Variants in GPR179 observed in about 807,000 individuals in gnomAD.
GPR179 encodes probable G protein-coupled receptor 179.
In GPR179, 52 loss-of-function variants were observed where a neutral mutation model predicts 70.8. The ratio of observed to expected loss-of-function variants is 0.73; its 90% CI spans 0.59 to 0.93. The LOEUF is 0.93. Ranked by LOEUF, GPR179 falls within the 40% of genes least tolerant of loss-of-function variation. The pLI is 0.00. For synonymous variants in GPR179, 1,123 were observed against 1,169.0 expected, an observed-to-expected ratio of 0.96 and a Z score of 0.80; for missense variants, 2,734 against 2,966.8, an observed-to-expected ratio of 0.92 and a Z score of 1.82.
rs137934209 is a variant in GPR179 at position 38,337,703 on chromosome 17, A to T, written c.921T>A (p.Ser307Arg). The T allele has an allele frequency of 0.015, 24,056 of 1,613,356 alleles. 211 individuals are homozygous for T. The highest frequency in any genetic ancestry group is 0.018 in the Non-Finnish European group (21,711 of 1,179,642). The change falls in exon 3 of 11, where the codon AGT (serine) becomes AGA (arginine). Residue 307 changes from serine to arginine, a missense_variant. Ser to Arg is a moderately radical substitution (Grantham distance 110). Transcript: ENST00000616987. ...LNSTQCVPLE[S>R]QGFVLGRYLC... ...GGTAGCGGCCAAGAACAAAGCCCTG[A>T]CTCTCCAGGGGGACACACTATGGGG...
rs551899019 is a variant in GPR179 at position 38,334,893 on chromosome 17, C to T, written c.1646-51G>A. 1 of 1,603,636 alleles carries T rather than the reference C, an allele frequency of 6.2e-7. No homozygotes were observed. Among genetic ancestry groups the T allele is most frequent in the African/African-American group, 1.3e-5 (1 of 74,890 alleles). ...GCCGGCACCACCTCAGCAGCTGTCC[C>T]ACCCCTTTCTCTGAAAGATGTGCTG... On this transcript the variant is annotated intron_variant, in intron 7 of 10. Transcript: ENST00000616987. This position sits in a 1 kb window ranked among gnomAD's most constrained non-coding sequence, Gnocchi z 4.7.
rs367683550 is a variant in GPR179, at chr17:38,337,092, C to T, written c.1113G>A (p.Pro371=). The T allele has an allele frequency of 7.2e-5, 116 of 1,610,606 alleles. No homozygotes were observed. Among genetic ancestry groups the T allele is most frequent in the Middle Eastern group, 1.7e-4 (1 of 6,038 alleles). ...GCACCGCGGCCTCTTCCACCAGGCA[C>T]GGTGTGGCATCCATGCAGCTGGTGC... ...EGCTSCMDAT[P]CLVEEAAVLR... is the part of the protein sequence containing the mutation. The change falls in exon 4 of 11, where the codon CCG becomes CCA. Residue 371 remains proline, a synonymous_variant. Coordinates refer to ENST00000616987, the MANE Select transcript of GPR179 (RefSeq NM_001004334.4).
Position 38,343,062 on chromosome 17 carries a change from G to T in GPR179, c.728C>A (p.Pro243His). ...GGCAGAGAGTGTGATCAGCCATCCA[G>T]GTCGGAGCCGTCCCTCCTGGCATTC... ...FLECQEGRLR[P>H]GWLITLSATF... The change falls in exon 1 of 11, where the codon CCT becomes CAT. Residue 243 changes from proline (P) to histidine (H), a missense_variant. Physicochemically the swap from Pro to His is moderately conservative, Grantham distance 77. Transcript: ENST00000616987. The surrounding 1 kb of genome is among the most constrained non-coding windows in gnomAD (Gnocchi z 4.2). 6.2e-7 allele frequency: 1 copy of T among 1,614,098 alleles called. No individual in the cohort carries two copies. The highest frequency in any genetic ancestry group is 8.5e-7 in the Non-Finnish European group (1 of 1,179,962).
chr17:38,335,261 G>A lies in GPR179; in HGVS notation c.1417C>T (p.Leu473=), dbSNP rs762389933. 1.0e-5 allele frequency: 16 copies of A among 1,550,238 alleles called. No individual in the cohort carries two copies. The highest frequency in any genetic ancestry group is 9.7e-5 in the East Asian group (4 of 41,080). The change falls in exon 7 of 11, where the codon CTG becomes TTG. Residue 473 remains leucine, a synonymous_variant. Transcript: ENST00000616987. ...IILKLYRVLQ[L]FLSRTAQRSA... is the part of the protein sequence containing the mutation. ...CGCTGGGCCGTTCGAGACAGAAACA[G>A]CTGCAGCACTCTGCGAGGGTTAGAA...
rs1453134624 is a variant in GPR179 at position 38,331,542 on chromosome 17, G to T, written c.2038-11C>A. On this transcript the variant is annotated splice_polypyrimidine_tract_variant and intron_variant, in intron 10 of 10. Transcript: ENST00000616987. ...CTTCTTCAGCTCGTCCTGTGGGGCA[G>T]CAGGGAGGAAAGCAGGGCTGCAGGT... is the stretch of plus-strand genomic sequence containing the variant. 5.0e-6 allele frequency: 8 copies of T among 1,589,444 alleles called. No individual in the cohort carries two copies. The highest frequency in any genetic ancestry group is 6.9e-6 in the Non-Finnish European group (8 of 1,164,544).
intron 1 of GPR179, 61 bp from the exon 2 acceptor site, chr17:38,339,586 C>A: frequency 8.1e-7 from 1 of 1,234,556 alleles, no homozygotes; most frequent in Non-Finnish European, 1.2e-6. Context: ...ACGTGTGTCC[C>A]TGGGCGTTGT....
chr17:38,330,276 C>T lies in GPR179; in HGVS notation c.3293G>A (p.Arg1098Gln), dbSNP rs766157500. The change falls in exon 11 of 11, where the codon CGG (arginine) becomes CAG (glutamine). Residue 1098 changes from arginine to glutamine, a missense_variant. Arg to Gln is a conservative substitution (Grantham distance 43). Transcript: ENST00000616987. ...ACTCTCCTTCTCTCTGTAGGTGCTC[C>T]GAGAACGGGTCAGAGCTTTAATCGC... ...GLAIKALTRS[R>Q]STYREKESVE... The T allele has an allele frequency of 1.0e-5, 16 of 1,604,594 alleles. No homozygotes were observed. The highest frequency in any genetic ancestry group is 4.4e-5 in the South Asian group (4 of 90,074).
chr17:38,330,244 C>A lies in GPR179; in HGVS notation c.3325G>T (p.Glu1109Ter). Residue 1109 changes from glutamate (E) to a stop codon, truncating the protein, a stop_gained, in exon 11 of 11, where the codon GAG (glutamate) becomes TAG (stop). Transcript: ENST00000616987. LOFTEE classifies it low-confidence loss of function (END_TRUNC). ...CCGCTGTTCTGCCCCTCGGGACTCT[C>A]CTCCACACTCTCCTTCTCTCTGTAG... ...STYREKESVE[E>*]SPEGQNSGTA... 2 of 1,587,924 alleles carry A rather than the reference C, an allele frequency of 1.3e-6. No individual in the cohort carries two copies. The highest frequency in any genetic ancestry group is 2.3e-5 in the South Asian group (2 of 87,876).
Position 38,335,177 on chromosome 17 carries a change from C to T in GPR179, c.1501G>A (p.Val501Met), listed in dbSNP as rs1166961641. The change falls in exon 7 of 11, where the codon GTG (valine) becomes ATG (methionine). Residue 501 changes from valine to methionine, a missense_variant. By Grantham distance (21) the Val-to-Met change is conservative. Coordinates refer to ENST00000616987, the MANE Select transcript of GPR179 (RefSeq NM_001004334.4). ...LRHLGLLLLPVLGFLAVWTVG... is the reference protein window; with the variant it reads ...LRHLGLLLLPMLGFLAVWTVG... The stretch of plus-strand genomic sequence containing the variant: ...GTCCACACAGCCAGGAAGCCCAGCA[C>T]AGGTAGCAGGAGCAGCCCCAGGTGC... The T allele has an allele frequency of 3.2e-6, 5 of 1,575,514 alleles. No individual in the cohort carries two copies. The highest frequency in any genetic ancestry group is 4.3e-6 in the Non-Finnish European group (5 of 1,161,054).
chr17:38,342,737 C>A (rs2037459660), intron 1 of GPR179, among the ~76,000 whole-genome samples: 1 of 152,256 alleles, frequency 6.6e-6, no homozygotes, highest in Admixed American at 6.5e-5. Flanking sequence ...GACATTCCTG[C>A]ATGTGCTCAA....
chr17:38,326,906 C>T lies in GPR179; in HGVS notation c.6663G>A (p.Leu2221=), dbSNP rs1344288816. 6.2e-7 allele frequency: 1 copy of T among 1,614,202 alleles called. No homozygotes were observed. Among genetic ancestry groups the T allele is most frequent in the Non-Finnish European group, 8.5e-7 (1 of 1,180,044 alleles). Residue 2221 remains leucine (L), a synonymous_variant, in exon 11 of 11, where the codon CTG becomes CTA. Coordinates refer to ENST00000616987, the MANE Select transcript of GPR179 (RefSeq NM_001004334.4). ...AGSMGSRMAE[L]CQWEITDPEG... ...CTGGATCTGTGATTTCCCATTGGCA[C>T]AGCTCTGCCATCCTGCTTCCCATGC...
At position 38,329,470 on chromosome 17, in the gene GPR179, C is replaced by G; in HGVS notation, c.4099G>C (p.Gly1367Arg). Residue 1367 changes from glycine (G) to arginine (R), a missense_variant, in exon 11 of 11, where the codon GGC (glycine) becomes CGC (arginine). By Grantham distance (125) the Gly-to-Arg change is moderately radical. Coordinates refer to ENST00000616987, the MANE Select transcript of GPR179 (RefSeq NM_001004334.4). The stretch of plus-strand genomic sequence containing the variant: ...ATGTCAGGGGTATGAGCTTCTGGGC[C>G]AGCAGCTTCCCACCCAGGCTTCTCC... Reference protein sequence around the residue: ...KVEKPGWEAAGPEAHTPDITK... With the variant: ...KVEKPGWEAARPEAHTPDITK... The G allele has an allele frequency of 6.2e-7, 1 of 1,614,000 alleles. No individual in the cohort carries two copies. The highest frequency in any genetic ancestry group is 1.3e-5 in the African/African-American group (1 of 74,984).
intron 1 of GPR179, among the ~76,000 whole-genome samples, chr17:38,341,632 G>T (rs1212204880): frequency 1.3e-5 from 2 of 152,192 alleles, no homozygotes; most frequent in African/African-American, 4.8e-5. Context: ...AGGCTCAGTC[G>T]CTGCTCCCTT....
chr17:38,338,954 C>T (rs747001356), intron 2 of GPR179, among the ~76,000 whole-genome samples: 6 of 152,240 alleles, frequency 3.9e-5, no homozygotes, highest in Admixed American at 6.5e-5. Context: ...TCCTCCCATA[C>T]TCCAACCAGC....
In GPR179 at chr17:38,343,925, G is replaced by T; in HGVS notation, c.-136C>A. Reference sequence around the variant, plus strand: ...CTTCCTCTCTCCGTCTCCCTCTCACGCTGGTGCCAGCTCGCCTGCTTTTTT... The same window carrying T: ...CTTCCTCTCTCCGTCTCCCTCTCACTCTGGTGCCAGCTCGCCTGCTTTTTT... On this transcript the variant is annotated 5_prime_UTR_variant, in exon 1 of 11. Coordinates refer to ENST00000616987, the MANE Select transcript of GPR179 (RefSeq NM_001004334.4). The surrounding 1 kb of genome is among the most constrained non-coding windows in gnomAD (Gnocchi z 4.2). 2.9e-6 allele frequency: 2 copies of T among 694,574 alleles called. No homozygotes were observed. Among genetic ancestry groups the T allele is most frequent in the East Asian group, 2.8e-5 (1 of 35,622 alleles). 43.0% of individuals were successfully genotyped at this position (694,574 alleles called of 1,614,324 possible). A position where few individuals can be genotyped will look rare whatever the true frequency, so the allele number is the denominator to read the frequency against.
intron 6 of GPR179, 101 bp downstream of exon 6, chr17:38,335,490 T>A: frequency 1.1e-6 from 1 of 880,048 alleles, no homozygotes. Flanking sequence ...TAGAGGGGAG[T>A]GGGGCTGGCA....
chr17:38,339,183 T>A (rs1454012242), intron 2 of GPR179, among the ~76,000 whole-genome samples: 2 of 151,588 alleles, frequency 1.3e-5, no homozygotes, highest in African/African-American at 4.9e-5. Flanking sequence ...CACTGAACTT[T>A]CAAAGGAATG....
chr17:38,330,270 G>C lies in GPR179; in HGVS notation c.3299C>G (p.Thr1100Ser), dbSNP rs1225505146. ...AIKALTRSRS[T>S]YREKESVEES... is the part of the protein sequence containing the mutation. ...CTCCACACTCTCCTTCTCTCTGTAG[G>C]TGCTCCGAGAACGGGTCAGAGCTTT... The change falls in exon 11 of 11, where the codon ACC (threonine) becomes AGC (serine). Residue 1100 changes from threonine to serine, a missense_variant. Transcript: ENST00000616987. 6.2e-7 allele frequency: 1 copy of C among 1,602,126 alleles called. No homozygotes were observed. Among genetic ancestry groups the C allele is most frequent in the African/African-American group, 1.3e-5 (1 of 74,698 alleles).
rs200796486 is a variant in GPR179, at chr17:38,330,187, G to A, written c.3382C>T (p.Arg1128Ter). 135 of 1,568,912 alleles carry A rather than the reference G, an allele frequency of 8.6e-5. 1 individual carries two copies. The African/African-American group carries it at 1.2e-3, about 14-fold the overall frequency. ...TTGGGCCGGCCTAGCCTGGGCGATC[G>A]GGAGGGTGCCCCCATACTCTCTCCC... ...TAGESMGAPS[R>*]SPRLGRPKAV... is the part of the protein sequence containing the mutation. Residue 1128 changes from arginine to a stop codon, truncating the protein, a stop_gained, in exon 11 of 11, where the codon CGA becomes TGA. Transcript: ENST00000616987. LOFTEE classifies it low-confidence loss of function (END_TRUNC).
Sources: gnomAD v4.1 joint callset for allele counts (sites outside exome capture counted in the v4.1 genomes callset) on GRCh38, gnomAD v4.1.1 for gene constraint, Gnocchi (gnomAD v3.1) non-coding constraint, MANE v1.5 for transcripts, NCBI Gene and HGNC (gene_info 2026-07-23, HGNC 2026-07-21) for gene names.